Variants in TCEANC2 observed in about 807,000 individuals in gnomAD.
The protein encoded by TCEANC2 is transcription elongation factor A N-terminal and central domain containing 2.
In TCEANC2, 20 loss-of-function variants were observed where a neutral mutation model predicts 22.8. That is an observed-to-expected ratio of 0.88 (90% CI 0.62 to 1.28). The LOEUF (loss-of-function observed/expected upper bound fraction) is 1.28, where lower values mean the gene tolerates loss of function less well. Ranked by LOEUF, TCEANC2 falls within the 50% of genes most tolerant of loss-of-function variation. TCEANC2 has a pLI of 0.00. For synonymous variants in TCEANC2, 84 were observed against 95.5 expected (o/e 0.88, Z 0.70); for missense variants, 251 against 249.7 (o/e 1.01, Z -0.03).
At chr1:54,056,558 C>G (rs910373828) in intron 2 of TCEANC2, among the ~76,000 whole-genome samples, 8 of 151,990 alleles carry the variant, frequency 5.3e-5, no homozygotes, top group Non-Finnish European at 7.4e-5. Context: ...AACTCCTGAC[C>G]TCATGATCTG....
intron 3 of TCEANC2, among the ~76,000 whole-genome samples, chr1:54,081,875 G>T (rs12067282): frequency 6.6e-6 from 1 of 152,148 alleles, no homozygotes; most frequent in Non-Finnish European, 1.5e-5. Context: ...TCCACTGTCC[G>T]GACCTGAGAG....
rs1182923673 is a variant in TCEANC2, at chr1:54,096,432, T to C, written c.586T>C (p.Ser196Pro). ...AATCCGGGCTCAGGTGAAGAGCGGC[T>C]CGCTGCCAGTCGGCACGTTTGTACA... The part of the protein sequence containing the change: ...AEIRAQVKSG[S>P]LPVGTFVQTH... The change falls in exon 5 of 5, where the codon TCG (serine) becomes CCG (proline). Residue 196 changes from serine to proline, a missense_variant. Coordinates refer to ENST00000234827, the MANE Select transcript of TCEANC2 (RefSeq NM_153035.3). This position sits in a 1 kb window ranked among gnomAD's most constrained non-coding sequence, Gnocchi z 4.9. 1.2e-6 allele frequency: 2 copies of C among 1,612,636 alleles called. No individual in the cohort carries two copies. Among genetic ancestry groups the C allele is most frequent in the East Asian group, 4.5e-5 (2 of 44,810 alleles).
In TCEANC2 at chr1:54,105,365, GC is replaced by G. The variant is rs987845051; in HGVS notation, c.*8896del. On this transcript the variant is annotated 3_prime_UTR_variant, in exon 5 of 5. Transcript: ENST00000234827. ...GTCAGTTCAAGGTTATGAAGGCCTG[GC>G]CCCACTGCCTCAACTTGACAACTTG... 3 of 152,210 alleles carry G rather than the reference GC, an allele frequency of 2.0e-5. No individual in the cohort carries two copies. The highest frequency in any genetic ancestry group is 4.4e-5 in the Non-Finnish European group (3 of 68,106). The allele number at this position is 152,210 out of a possible 1,614,324, so 9.4% of individuals were successfully genotyped here.
intron 2 of TCEANC2, 151 bp from the exon 3 acceptor site, chr1:54,068,605 C>A: frequency 1.5e-6 from 1 of 661,578 alleles, no homozygotes; most frequent in Non-Finnish European, 2.4e-6. Flanking sequence ...TAAGCAATTA[C>A]CCATCATTTG....
intron 2 of TCEANC2, among the ~76,000 whole-genome samples, chr1:54,066,299 TAAAA>T (rs1228339335): frequency 6.6e-6 from 1 of 151,630 alleles, no homozygotes; most frequent in African/African-American, 2.4e-5. Flanking sequence ...AGAAAACTGT[TAAAA>T]AGAAGATACG....
At chr1:54,107,693 A>G (rs1658779854), downstream of TCEANC2, among the ~76,000 whole-genome samples, 1 of 152,154 alleles carries the variant, frequency 6.6e-6, no homozygotes, top group Admixed American at 6.5e-5. Flanking sequence ...GTTTTTTCAT[A>G]GTGATCATAA....
intron 3 of TCEANC2, 126 bp from the exon 4 acceptor site, chr1:54,088,471 C>A: frequency 1.5e-6 from 1 of 679,270 alleles, no homozygotes; most frequent in Non-Finnish European, 2.4e-6. Flanking sequence ...TTCTTTTGCA[C>A]AAGAGTCTTT....
At chr1:54,056,017 C>G (rs1657745859) in intron 2 of TCEANC2, among the ~76,000 whole-genome samples, 3 of 152,226 alleles carry the variant, frequency 2.0e-5, no homozygotes, top group Admixed American at 2.0e-4. Context: ...ACCTCCCATT[C>G]TGATAACTGA....
At chr1:54,056,427 G>A (rs1657753500) in intron 2 of TCEANC2, among the ~76,000 whole-genome samples, 1 of 151,858 alleles carries the variant, frequency 6.6e-6, no homozygotes, top group African/African-American at 2.4e-5. Flanking sequence ...CCTGGTTCAT[G>A]CGAGTCTCCT....
At chr1:54,065,204 A>T (rs1215459961) in intron 2 of TCEANC2, among the ~76,000 whole-genome samples, 1 of 152,242 alleles carries the variant, frequency 6.6e-6, no homozygotes, top group East Asian at 1.9e-4. Context: ...GCAGAAACAC[A>T]TCAAACAGGT....
At chr1:54,087,215 G>T (rs538768928) in intron 3 of TCEANC2, among the ~76,000 whole-genome samples, 8 of 152,074 alleles carry the variant, frequency 5.3e-5, no homozygotes, top group Admixed American at 3.3e-4. Flanking sequence ...TAAGTGTTCA[G>T]TTGACTTCTT....
At chr1:54,070,170 T>C (rs1219636691) in intron 3 of TCEANC2, among the ~76,000 whole-genome samples, 1 of 152,180 alleles carries the variant, frequency 6.6e-6, no homozygotes, top group Non-Finnish European at 1.5e-5. Context: ...TTTAAGAATA[T>C]AAGACCCTAT....
At position 54,101,993 on chromosome 1, in the gene TCEANC2, G is replaced by A. The variant is rs1170629181; in HGVS notation, c.*5520G>A. ...GCAGTGAGATTTTTAGGGGCCAATGGTCTGGGATGTGGCAGGGACATTCTC... is the reference window on the plus strand; with the variant it reads ...GCAGTGAGATTTTTAGGGGCCAATGATCTGGGATGTGGCAGGGACATTCTC... On this transcript the variant is annotated 3_prime_UTR_variant, in exon 5 of 5. Transcript: ENST00000234827. 1 of 152,218 alleles carries A rather than the reference G, an allele frequency of 6.6e-6. No homozygotes were observed. Among genetic ancestry groups the A allele is most frequent in the Admixed American group, 6.5e-5 (1 of 15,282 alleles). The allele number at this position is 152,218 out of a possible 1,614,324, so 9.4% of individuals were successfully genotyped here.
rs1163556776 is a variant in TCEANC2, at chr1:54,057,347, A to ATTTT, written c.102+2844_102+2847dup. ...AGGCACATGCCACCACACCTGGCTAATTTTTTTTTTTTTTTTTTTTTTTTG... is the reference window on the plus strand; with the variant it reads ...AGGCACATGCCACCACACCTGGCTAATTTTTTTTTTTTTTTTTTTTTTTTTTTTG... On this transcript the variant is annotated intron_variant, in intron 2 of 4. Transcript: ENST00000234827. Among the ~76,000 whole-genome samples, 525 of 85,974 alleles carry ATTTT rather than the reference A, an allele frequency of 6.1e-3. 5 individuals are homozygous for ATTTT. The highest frequency in any genetic ancestry group is 0.011 in the Admixed American group (71 of 6,200). 56.4% of individuals were successfully genotyped at this position (85,974 alleles called of 152,430 possible).
chr1:54,109,449 G>A (rs983938137), downstream of TCEANC2, among the ~76,000 whole-genome samples: 1 of 152,174 alleles, frequency 6.6e-6, no homozygotes, highest in African/African-American at 2.4e-5. Context: ...TTTTTACTTG[G>A]AGAACTTTAA....
chr1:54,058,940 C>T (rs957625028), intron 2 of TCEANC2, among the ~76,000 whole-genome samples: 1 of 152,184 alleles, frequency 6.6e-6, no homozygotes, highest in Non-Finnish European at 1.5e-5. Context: ...CAGGCGTGAG[C>T]CACTGTGCCC....
chr1:54,058,879 A>G (rs1569991152), intron 2 of TCEANC2, among the ~76,000 whole-genome samples: 1 of 151,228 alleles, frequency 6.6e-6, no homozygotes, highest in Non-Finnish European at 1.5e-5. Flanking sequence ...CTGGTCTTGA[A>G]CTCCTGACCT....
At chr1:54,089,800 G>A (rs1658408199) in intron 4 of TCEANC2, 3 of 379,196 alleles carry the variant, frequency 7.9e-6, no homozygotes. Flanking sequence ...TGGACCTGAA[G>A]TGAATTTGCA....
chr1:54,088,570 C>T (rs770362259), intron 3 of TCEANC2, 27 bp from the exon 4 acceptor site: 2 of 1,573,170 alleles, frequency 1.3e-6, no homozygotes, highest in Admixed American at 3.9e-5. Flanking sequence ...AACAACCTTT[C>T]CTTTGGTTTT....
Sources: gnomAD v4.1 joint callset for allele counts (sites outside exome capture counted in the v4.1 genomes callset) on GRCh38, gnomAD v4.1.1 for gene constraint, Gnocchi (gnomAD v3.1) non-coding constraint, MANE v1.5 for transcripts, NCBI Gene and HGNC (gene_info 2026-07-23, HGNC 2026-07-21) for gene names.